Variants in BIRC6 observed in about 807,000 individuals in gnomAD.
The protein encoded by BIRC6 is dual E2 ubiquitin-conjugating enzyme/E3 ubiquitin-protein ligase BIRC6.
A neutral mutation model predicts 503.3 loss-of-function variants in BIRC6; 98 were observed. That is an observed-to-expected ratio of 0.19 (90% CI 0.17 to 0.23). BIRC6 has a LOEUF of 0.23. Among genes scored for constraint, BIRC6 ranks in the 10% least tolerant of loss-of-function variants. The pLI is 1.00. For missense variants in BIRC6, 5,360 were observed against 5,806.0 expected, an observed-to-expected ratio of 0.92 and a Z score of 2.50; for synonymous variants, 2,240 against 2,078.7, an observed-to-expected ratio of 1.08 and a Z score of -2.11.
intron 23 of BIRC6, among the ~76,000 whole-genome samples, chr2:32,462,114 A>C (rs1428478771): frequency 2.0e-5 from 3 of 152,122 alleles, no homozygotes; most frequent in Non-Finnish European, 4.4e-5. Context: ...CATAAAGTGA[A>C]TTGTAGTTAT....
intron 61 of BIRC6, among the ~76,000 whole-genome samples, chr2:32,538,437 TA>T (rs1195183649): frequency 3.9e-5 from 6 of 151,990 alleles, no homozygotes; most frequent in African/African-American, 1.4e-4. Flanking sequence ...AAATGGCCCA[TA>T]CATTAGGAAT....
At chr2:32,549,091 T>TC (rs1244580702) in intron 64 of BIRC6, 4 of 342,082 alleles carry the variant, frequency 1.2e-5, no homozygotes, top group Non-Finnish European at 2.1e-5. Flanking sequence ...CTTTTATATG[T>TC]CTAGTCATAT....
rs2055192315 is a variant in BIRC6 at position 32,517,614 on chromosome 2, G to A, written c.11350-640G>A. ...AGGTGGGGCAGGATCTCTCTCTGTT[G>A]CCCAGGCCTGTAGTGCAGTTGCACA... On this transcript the variant is annotated intron_variant, in intron 55 of 73. Coordinates refer to ENST00000421745, the MANE Select transcript of BIRC6 (RefSeq NM_016252.4). Among the ~76,000 whole-genome samples the A allele has an allele frequency of 5.3e-5, 8 of 152,184 alleles. No individual in the cohort carries two copies. The South Asian group carries it at 1.7e-3, about 32-fold the overall frequency.
chr2:32,578,321 A>G (rs1311485633), intron 66 of BIRC6, among the ~76,000 whole-genome samples: 1 of 152,070 alleles, frequency 6.6e-6, no homozygotes, highest in Non-Finnish European at 1.5e-5. Context: ...GCCTTAGTTT[A>G]ATTTTAACAC....
In BIRC6 at chr2:32,496,381, G is replaced by A. The variant is rs540127360; in HGVS notation, c.8468+2714G>A. ...GCTGGGATTACAGGCCCATCACCAT[G>A]CCTGGCTAATTTTTGTATTTTCAGT... On this transcript the variant is annotated intron_variant, in intron 45 of 73. Coordinates refer to ENST00000421745, the MANE Select transcript of BIRC6 (RefSeq NM_016252.4). Among the ~76,000 whole-genome samples, 5 of 151,962 alleles carry A rather than the reference G, an allele frequency of 3.3e-5. No homozygotes were observed. In the East Asian group the frequency reaches 9.7e-4, roughly 30 times the overall value.
At chr2:32,568,793 G>A (rs904376029) in intron 65 of BIRC6, among the ~76,000 whole-genome samples, 1 of 150,726 alleles carries the variant, frequency 6.6e-6, no homozygotes, top group Non-Finnish European at 1.5e-5. Context: ...GCAGTGAGCC[G>A]AGATTATGTC....
At position 32,443,509 on chromosome 2, in the gene BIRC6, A is replaced by G. The variant is rs778788961; in HGVS notation, c.4257A>G (p.Pro1419=). 1.2e-6 allele frequency: 2 copies of G among 1,606,304 alleles called. No individual in the cohort carries two copies. Among genetic ancestry groups the G allele is most frequent in the East Asian group, 4.5e-5 (2 of 44,784 alleles). ...ALCISNGKCD[P]CQPAFGPVLL... ...TTTTCAGTAATGGCAAATGTGACCC[A>G]TGTCAACCAGCATTTGGACCTGTTC... Residue 1419 remains proline, a synonymous_variant, in exon 20 of 74, where the codon CCA becomes CCG. Coordinates refer to ENST00000421745, the MANE Select transcript of BIRC6 (RefSeq NM_016252.4).
At chr2:32,504,929 G>A (rs2053634725) in intron 49 of BIRC6, 76 bp from the exon 50 acceptor site, 2 of 1,286,526 alleles carry the variant, frequency 1.6e-6, no homozygotes, top group African/African-American at 1.5e-5. Context: ...TAGTTTAATT[G>A]TATTTGTATA....
chr2:32,445,428 AG>A (rs1226463073), intron 20 of BIRC6, 92 bp from the exon 21 acceptor site: 2 of 1,230,728 alleles, frequency 1.6e-6, no homozygotes, highest in Non-Finnish European at 2.2e-6. Flanking sequence ...TTCTAGCAAA[AG>A]GAAGTATTCT....
In BIRC6 at chr2:32,464,841, T is replaced by C. The variant is rs2048353954; in HGVS notation, c.5256+18T>C. 1.9e-6 allele frequency: 3 copies of C among 1,586,312 alleles called. No individual in the cohort carries two copies. The highest frequency in any genetic ancestry group is 2.7e-5 in the African/African-American group (2 of 74,058). On this transcript the variant is annotated intron_variant, in intron 25 of 73. Coordinates refer to ENST00000421745, the MANE Select transcript of BIRC6 (RefSeq NM_016252.4). ...CCAGAATGGTAAATTATGTTTTAAA[T>C]AGGTGTTGGCTTAGACATTTAAAAA...
chr2:32,382,420 A>G (rs1253831538), intron 3 of BIRC6, among the ~76,000 whole-genome samples: 1 of 152,250 alleles, frequency 6.6e-6, no homozygotes, highest in African/African-American at 2.4e-5. Context: ...CCTTTGCTGA[A>G]ACAGTGCTGA....
In BIRC6 at chr2:32,448,398, C is replaced by T. The variant is rs1410977998; in HGVS notation, c.4485-397C>T. Among the ~76,000 whole-genome samples the T allele has an allele frequency of 2.5e-4, 38 of 149,312 alleles. 1 individual carries two copies. The East Asian group carries it at 6.7e-3, about 26-fold the overall frequency. On this transcript the variant is annotated intron_variant, in intron 21 of 73. Transcript: ENST00000421745. ...GTGAACGAGACTCCGTCTGCAATCC[C>T]GGCACCTCGGGAGGCCGAGGCTGGC... is the stretch of plus-strand genomic sequence containing the variant.
At chr2:32,407,992 G>C (rs1269107821) in intron 9 of BIRC6, among the ~76,000 whole-genome samples, 1 of 151,298 alleles carries the variant, frequency 6.6e-6, no homozygotes, top group African/African-American at 2.4e-5. Flanking sequence ...TTTTGAGACA[G>C]AGTCTTGCTC....
intron 37 of BIRC6, among the ~76,000 whole-genome samples, chr2:32,480,327 G>T (rs1037698220): frequency 6.6e-6 from 1 of 152,154 alleles, no homozygotes; most frequent in Non-Finnish European, 1.5e-5. Flanking sequence ...ATCTCTGCTA[G>T]CACATATCAT....
At chr2:32,425,257 A>G (rs2043356242) in intron 10 of BIRC6, among the ~76,000 whole-genome samples, 1 of 152,064 alleles carries the variant, frequency 6.6e-6, no homozygotes, top group Non-Finnish European at 1.5e-5. Context: ...GGCATTTTGA[A>G]AAAGTCCAGT....
chr2:32,526,043 C>T (rs917801649), intron 59 of BIRC6, among the ~76,000 whole-genome samples: 1 of 152,106 alleles, frequency 6.6e-6, no homozygotes, highest in African/African-American at 2.4e-5. Flanking sequence ...TATTGAGCAC[C>T]ATCCTGTCTG....
chr2:32,544,360 GAGAA>G (rs2057899457), intron 62 of BIRC6, among the ~76,000 whole-genome samples: 1 of 151,892 alleles, frequency 6.6e-6, no homozygotes, highest in South Asian at 2.1e-4. Context: ...AGAATAATAA[GAGAA>G]AGCTGTGATG....
At chr2:32,582,598 G>A (rs2151186051) in intron 66 of BIRC6, among the ~76,000 whole-genome samples, 1 of 152,188 alleles carries the variant, frequency 6.6e-6, no homozygotes, top group East Asian at 1.9e-4. Context: ...ACCCGTCTCT[G>A]TTAAAAATAC....
intron 61 of BIRC6, among the ~76,000 whole-genome samples, chr2:32,539,289 A>G (rs1169129846): frequency 6.6e-6 from 1 of 152,230 alleles, no homozygotes; most frequent in Non-Finnish European, 1.5e-5. Flanking sequence ...CTCTCAGTAA[A>G]TGAAACAAAG....
Sources: allele counts gnomAD v4.1 joint callset (sites outside exome capture counted in the v4.1 genomes callset), GRCh38; gene constraint gnomAD v4.1.1; transcripts MANE v1.5; gene names NCBI Gene and HGNC (gene_info 2026-07-23, HGNC 2026-07-21).